Variants in RS1 observed in about 807,000 individuals in gnomAD.
The protein encoded by RS1 is retinoschisin 1.
A neutral mutation model predicts 20.8 loss-of-function variants in RS1; 2 were observed. The ratio of observed to expected loss-of-function variants is 0.10; its 90% CI spans 0.04 to 0.30. The LOEUF (loss-of-function observed/expected upper bound fraction) is 0.30. Ranked by LOEUF, RS1 falls within the 10% of genes least tolerant of loss-of-function variation. The probability of loss-of-function intolerance (pLI) is 1.00; values close to 1 mark genes in which losing one functional copy is unlikely to be tolerated. For synonymous variants in RS1, 70 were observed against 75.8 expected, an observed-to-expected ratio of 0.92 and a Z score of 0.40; for missense variants, 151 against 189.8, an observed-to-expected ratio of 0.80 and a Z score of 1.20.
intron 3 of RS1, among the ~76,000 whole-genome samples, chrX:18,655,986 C>CTTTTT (rs56213978): frequency 4.9e-4 from 25 of 50,802 alleles, no homozygotes; most frequent in African/African-American, 1.2e-3. Context: ...TTTTCTTTTC[C>CTTTTT]TTTTTTTTTT....
chrX:18,660,554 A>G (rs1460678424), intron 1 of RS1, among the ~76,000 whole-genome samples: 1 of 111,526 alleles, frequency 9.0e-6, no homozygotes, highest in Non-Finnish European at 1.9e-5. Context: ...TTCTTTTCTG[A>G]TGATAAAAAA....
rs1265219015 is a variant in RS1 at position 18,644,420 on chromosome X, C to T, written c.522+10G>A. 4.1e-6 allele frequency: 5 copies of T among 1,209,569 alleles called. No individual in the cohort carries two copies. The South Asian group carries it at 8.8e-5, about 21-fold the overall frequency. ...CGAGCTGAAGTTGGTTTGGGATAAG[C>T]CCAACTTACCCGGTTGTTTCCAGTC... On this transcript the variant is annotated intron_variant, in intron 5 of 5. Coordinates refer to ENST00000379984, the MANE Select transcript of RS1 (RefSeq NM_000330.4).
intron 4 of RS1, chrX:18,646,211 G>A: frequency 9.3e-7 from 1 of 1,077,923 alleles, no homozygotes; most frequent in Non-Finnish European, 1.3e-6. Flanking sequence ...GTGTGCAGTG[G>A]CACACAATCT....
intron 5 of RS1, among the ~76,000 whole-genome samples, chrX:18,642,926 T>A (rs965258609): frequency 2.4e-4 from 27 of 110,237 alleles, no homozygotes; most frequent in Non-Finnish European, 4.4e-4. Flanking sequence ...TGCCTGTAAA[T>A]CCCAGCTACT....
intron 3 of RS1, among the ~76,000 whole-genome samples, chrX:18,648,523 G>A (rs1011336433): frequency 7.2e-5 from 8 of 111,261 alleles, no homozygotes; most frequent in Non-Finnish European, 5.7e-5. Context: ...GATTACAGGT[G>A]TGAGCCATCA....
At chrX:18,642,471 A>C (rs1927618982) in intron 5 of RS1, among the ~76,000 whole-genome samples, 1 of 110,140 alleles carries the variant, frequency 9.1e-6, no homozygotes, top group Non-Finnish European at 1.9e-5. Context: ...CATATTGGAC[A>C]GTGCAGATGT....
intron 3 of RS1, chrX:18,649,962 T>C (rs1425518710): frequency 1.1e-5 from 2 of 187,728 alleles, no homozygotes; most frequent in East Asian, 2.7e-4. Context: ...ACCTCCTTTT[T>C]GTTTTCCACC....
intron 3 of RS1, chrX:18,650,672 G>C: frequency 1.3e-5 from 14 of 1,059,360 alleles, no homozygotes; most frequent in Non-Finnish European, 1.8e-5. Flanking sequence ...AAATGCAGAT[G>C]TTCAGGCCAC....
At chrX:18,667,048 G>T (rs1206130128) in intron 1 of RS1, among the ~76,000 whole-genome samples, 1 of 111,640 alleles carries the variant, frequency 9.0e-6, no homozygotes, top group Non-Finnish European at 1.9e-5. Flanking sequence ...GCTGGATGGT[G>T]CCCTGTGCTC....
At chrX:18,650,242 G>A (rs185448144) in intron 3 of RS1, 5 of 507,640 alleles carry the variant, frequency 9.8e-6, no homozygotes, top group Non-Finnish European at 1.7e-5. Context: ...GAGAATGTGT[G>A]GCTCACTCTG....
At chrX:18,669,332 A>G (rs1928452745) in intron 1 of RS1, among the ~76,000 whole-genome samples, 1 of 108,774 alleles carries the variant, frequency 9.2e-6, no homozygotes, top group Admixed American at 1.0e-4. Flanking sequence ...CTCTACTAAA[A>G]TTACAAAAAT....
Position 18,642,113 on chromosome X carries a change from A to T in RS1, c.566T>A (p.Leu189Gln). ...GCGGGAGATGATGGGGGGCCGCAGC[A>T]GGTTCTGAACCGTGGAGGTGCGGTC... ...NSDRTSTVQN[L>Q]LRPPIISRFI... Residue 189 changes from leucine (L) to glutamine (Q), a missense_variant, in exon 6 of 6, where the codon CTG becomes CAG. Coordinates refer to ENST00000379984, the MANE Select transcript of RS1 (RefSeq NM_000330.4). 8.3e-7 allele frequency: 1 copy of T among 1,212,112 alleles called. No individual in the cohort carries two copies. Among genetic ancestry groups the T allele is most frequent in the East Asian group, 3.0e-5 (1 of 33,846 alleles).
intron 1 of RS1, among the ~76,000 whole-genome samples, chrX:18,669,118 C>T (rs1037879241): frequency 1.6e-4 from 18 of 111,184 alleles, no homozygotes; most frequent in African/African-American, 4.9e-4. Flanking sequence ...TATTTTAATA[C>T]GATGGATGTT....
chrX:18,670,223 CT>C (rs34539361), intron 1 of RS1, among the ~76,000 whole-genome samples: 1,083 of 78,548 alleles, frequency 0.014, 6 homozygotes, highest in African/African-American at 0.037. Flanking sequence ...ATGTCAAGTC[CT>C]TTTTTTTTTT....
At chrX:18,656,056 G>A (rs1434959031) in intron 3 of RS1, among the ~76,000 whole-genome samples, 1 of 89,874 alleles carries the variant, frequency 1.1e-5, no homozygotes, top group Admixed American at 1.4e-4. Context: ...GCAGTGGTAC[G>A]ATCACTGCTT....
Position 18,639,727 on chromosome X carries a change from T to G in RS1, c.*2277A>C. ...TCATAGCAGCATTATTCATAATAGCTAAAGAGTGGAAACCCAAATATCCAT... is the reference window on the plus strand; with the variant it reads ...TCATAGCAGCATTATTCATAATAGCGAAAGAGTGGAAACCCAAATATCCAT... On this transcript the variant is annotated 3_prime_UTR_variant, in exon 6 of 6. Transcript: ENST00000379984. Among the ~76,000 whole-genome samples the G allele has an allele frequency of 8.9e-6, 1 of 112,196 alleles. No individual in the cohort carries two copies. Among genetic ancestry groups the G allele is most frequent in the Non-Finnish European group, 1.9e-5 (1 of 53,252 alleles).
intron 4 of RS1, among the ~76,000 whole-genome samples, chrX:18,646,351 A>G (rs995606779): frequency 1.8e-5 from 2 of 111,514 alleles, no homozygotes; most frequent in Non-Finnish European, 3.8e-5. Context: ...ATGAGGTTTC[A>G]CCATGTTGGC....
At chrX:18,657,773 C>G in intron 1 of RS1, 108 bp from the exon 2 acceptor site, 1 of 635,690 alleles carries the variant, frequency 1.6e-6, no homozygotes, top group Non-Finnish European at 2.6e-6. Context: ...TGAAAGCTAC[C>G]AACACCCCTT....
chrX:18,650,684 C>A lies in RS1; in HGVS notation c.185-3352G>T, dbSNP rs1242835783. 6 of 996,022 alleles carry A rather than the reference C, an allele frequency of 6.0e-6. No homozygotes were observed. The South Asian group carries it at 7.7e-5, about 13-fold the overall frequency. The allele number at this position is 996,022 out of a possible 1,213,427, so 82.1% of individuals were successfully genotyped here. ...TAGAAATGCAGATGTTCAGGCCACACCCCCAGGGATTCTGACATCATTGGC... is the reference window on the plus strand; with the variant it reads ...TAGAAATGCAGATGTTCAGGCCACAACCCCAGGGATTCTGACATCATTGGC... On this transcript the variant is annotated intron_variant, in intron 3 of 5. Transcript: ENST00000379984.
Sources: gnomAD v4.1 joint callset for allele counts (sites outside exome capture counted in the v4.1 genomes callset) on GRCh38, gnomAD v4.1.1 for gene constraint, MANE v1.5 for transcripts, NCBI Gene and HGNC (gene_info 2026-07-23, HGNC 2026-07-21) for gene names.